The following EPS15 variants were observed in gnomAD, a reference collection of about 807,000 sequenced individuals.
EPS15 encodes epidermal growth factor receptor pathway substrate 15.
A neutral mutation model predicts 113.8 loss-of-function variants in EPS15; 72 were observed. The ratio of observed to expected loss-of-function variants is 0.63; its 90% confidence interval spans 0.52 to 0.77. The LOEUF is 0.77. EPS15 is among the 30% of genes least tolerant of loss of function. The pLI is 0.00. For synonymous variants in EPS15, 344 were observed against 363.4 expected (o/e 0.95, Z 0.61); for missense variants, 1,048 against 1,045.8 (o/e 1.00, Z -0.03).
At chr1:51,370,371 T>A (rs377303870) in intron 21 of EPS15, among the ~76,000 whole-genome samples, 8 of 152,160 alleles carry the variant, frequency 5.3e-5, no homozygotes, top group African/African-American at 1.9e-4. Context: ...TTTGGAATAT[T>A]TGCACTGTAT....
intron 12 of EPS15, among the ~76,000 whole-genome samples, chr1:51,424,762 G>A (rs778901053): frequency 5.9e-5 from 9 of 152,052 alleles, no homozygotes; most frequent in Non-Finnish European, 1.3e-4. Context: ...AATTAGCTGG[G>A]TGTGGTCTCG....
At chr1:51,416,517 C>G (rs1251536660) in intron 13 of EPS15, among the ~76,000 whole-genome samples, 1 of 152,110 alleles carries the variant, frequency 6.6e-6, no homozygotes, top group Non-Finnish European at 1.5e-5. Context: ...GCAATCTTGG[C>G]TTTACTTAAA....
intron 16 of EPS15, among the ~76,000 whole-genome samples, 200 bp from the exon 17 acceptor site, chr1:51,403,732 T>C (rs1164258227): frequency 1.3e-5 from 2 of 152,154 alleles, no homozygotes; most frequent in East Asian, 3.8e-4. Context: ...AACCTTCAGG[T>C]CATCTTTAAT....
chr1:51,407,562 A>G (rs763981201), intron 15 of EPS15, among the ~76,000 whole-genome samples: 17 of 152,164 alleles, frequency 1.1e-4, no homozygotes, highest in Non-Finnish European at 2.1e-4. Flanking sequence ...GAAATAAAGC[A>G]AAGGATCTAT....
chr1:51,493,528 T>TAAA (rs1644275585), intron 1 of EPS15, among the ~76,000 whole-genome samples: 2 of 133,406 alleles, frequency 1.5e-5, no homozygotes, highest in Non-Finnish European at 3.2e-5. Context: ...CAGTCTCAAA[T>TAAA]TAAATAAATA....
intron 12 of EPS15, among the ~76,000 whole-genome samples, chr1:51,428,871 G>C (rs116822013): frequency 6.7e-6 from 1 of 149,422 alleles, no homozygotes; most frequent in African/African-American, 2.5e-5. Flanking sequence ...GCAGAGGAGA[G>C]AATGGAGCTG....
intron 4 of EPS15, 46 bp from the exon 5 acceptor site, chr1:51,468,614 A>C: frequency 8.3e-7 from 1 of 1,211,504 alleles, no homozygotes; most frequent in Admixed American, 1.8e-5. Flanking sequence ...CCCTCTACCA[A>C]CTTACCTACC....
chr1:51,406,501 T>C (rs748577680), intron 15 of EPS15, among the ~76,000 whole-genome samples: 1 of 152,104 alleles, frequency 6.6e-6, no homozygotes, highest in Non-Finnish European at 1.5e-5. Flanking sequence ...TGGCTATACC[T>C]GTAGACTTGG....
At chr1:51,488,481 A>ACAAAAC (rs936134418) in intron 1 of EPS15, among the ~76,000 whole-genome samples, 16 of 150,054 alleles carry the variant, frequency 1.1e-4, no homozygotes, top group African/African-American at 3.7e-4. Context: ...GTAAAAAAAA[A>ACAAAAC]AAAAAAAAAA....
intron 1 of EPS15, among the ~76,000 whole-genome samples, chr1:51,506,915 C>T (rs1477456384): frequency 6.6e-6 from 1 of 152,018 alleles, no homozygotes; most frequent in Non-Finnish European, 1.5e-5. Flanking sequence ...TGAAATATTT[C>T]AATCTTCTTC....
intron 12 of EPS15, among the ~76,000 whole-genome samples, chr1:51,438,584 A>G (rs1231934104): frequency 1.3e-5 from 2 of 152,296 alleles, no homozygotes; most frequent in Non-Finnish European, 2.9e-5. Flanking sequence ...TAGGCTTAAG[A>G]GGCCCAGATG....
At chr1:51,410,638 G>A (rs1649623612) in intron 13 of EPS15, among the ~76,000 whole-genome samples, 1 of 152,210 alleles carries the variant, frequency 6.6e-6, no homozygotes, top group African/African-American at 2.4e-5. Flanking sequence ...TAACTCCGAA[G>A]TATCTGTCAG....
intron 24 of EPS15, 43 bp downstream of exon 24, chr1:51,361,128 C>CCAAA: frequency 6.9e-7 from 1 of 1,457,266 alleles, no homozygotes; most frequent in Non-Finnish European, 9.4e-7. Flanking sequence ...TCTGAAAACT[C>CCAAA]TTTAAAGATT....
At chr1:51,511,350 G>C (rs977467784) in intron 1 of EPS15, among the ~76,000 whole-genome samples, 28 of 151,562 alleles carry the variant, frequency 1.8e-4, no homozygotes, top group Admixed American at 1.3e-3. Context: ...AAAAAAATTA[G>C]CCAGGCGTGG....
At chr1:51,394,600 C>T (rs1006667077) in intron 20 of EPS15, among the ~76,000 whole-genome samples, 153 bp from the exon 21 acceptor site, 6 of 152,190 alleles carry the variant, frequency 3.9e-5, no homozygotes, top group African/African-American at 1.4e-4. Flanking sequence ...GATCTGCAAT[C>T]TTACTAACTG....
intron 24 of EPS15, among the ~76,000 whole-genome samples, chr1:51,357,107 G>A (rs1287647382): frequency 2.0e-5 from 3 of 151,588 alleles, no homozygotes; most frequent in African/African-American, 7.3e-5. Flanking sequence ...GGCTAGATGT[G>A]GTGGCTCATG....
At chr1:51,489,303 A>ATATGTATG (rs1271674004) in intron 1 of EPS15, among the ~76,000 whole-genome samples, 3 of 140,028 alleles carry the variant, frequency 2.1e-5, no homozygotes, top group Non-Finnish European at 3.1e-5. Flanking sequence ...ATATATATAT[A>ATATGTATG]TATGTATGTA....
chr1:51,412,142 G>T (rs933461531), intron 13 of EPS15, among the ~76,000 whole-genome samples: 3 of 152,170 alleles, frequency 2.0e-5, no homozygotes, highest in Non-Finnish European at 4.4e-5. Flanking sequence ...TCACTCATAA[G>T]TGGGAGCTGA....
chr1:51,443,942 T>C (rs2148478402), intron 11 of EPS15, among the ~76,000 whole-genome samples: 1 of 152,240 alleles, frequency 6.6e-6, no homozygotes, highest in Admixed American at 6.5e-5. Flanking sequence ...GCCACTGTGC[T>C]TGGTCCCAAT....
Sources: gnomAD v4.1 joint callset for allele counts (sites outside exome capture counted in the v4.1 genomes callset) on GRCh38, gnomAD v4.1.1 for gene constraint, MANE v1.5 for transcripts, NCBI Gene and HGNC (gene_info 2026-07-23, HGNC 2026-07-21) for gene names.